The following CD8B variants were observed in gnomAD, a reference collection of about 807,000 sequenced individuals.
CD8B encodes the protein T-cell surface glycoprotein CD8 beta chain.
A neutral mutation model predicts 24.2 loss-of-function variants in CD8B; 6 were observed. The ratio of observed to expected loss-of-function variants is 0.25; its 90% CI spans 0.14 to 0.49. The LOEUF (loss-of-function observed/expected upper bound fraction) is 0.49. Ranked by LOEUF, CD8B falls within the 20% of genes least tolerant of loss-of-function variation. CD8B has a pLI of 0.98. For missense variants in CD8B, 196 were observed against 271.3 expected, an observed-to-expected ratio of 0.72 and a Z score of 1.95; for synonymous variants, 84 against 108.3, an observed-to-expected ratio of 0.78 and a Z score of 1.39.
At chr2:86,842,470 A>G (rs1675482477) in intron 5 of CD8B, 151 bp from the exon 6 acceptor site, 1 of 895,168 alleles carries the variant, frequency 1.1e-6, no homozygotes, top group African/African-American at 1.7e-5. Context: ...TCTAGGGCCC[A>G]TCTTAGTCAT....
At position 86,838,960 on chromosome 2, in the gene CD8B, AAC is replaced by A. The variant is rs1675296272; in HGVS notation, c.*3345_*3346del. On this transcript the variant is annotated 3_prime_UTR_variant, in exon 6 of 6. Transcript: ENST00000390655. ...ACAGCTTGATGACTTTTACTAATGA[AAC>A]ACACTCATATAAGTGATTCCCAGAT... is the stretch of plus-strand genomic sequence containing the variant. Among the ~76,000 whole-genome samples, 1 of 152,240 alleles carries A rather than the reference AAC, an allele frequency of 6.6e-6. No homozygotes were observed. Among genetic ancestry groups the A allele is most frequent in the African/African-American group, 2.4e-5 (1 of 41,458 alleles).
intron 1 of CD8B, 44 bp downstream of exon 1, chr2:86,861,779 C>T: frequency 8.0e-7 from 1 of 1,248,174 alleles, no homozygotes; most frequent in Non-Finnish European, 1.0e-6. Flanking sequence ...CGCTCAGGCC[C>T]CGGGAGCGCA....
intron 1 of CD8B, among the ~76,000 whole-genome samples, chr2:86,861,367 A>T (rs911840653): frequency 6.6e-6 from 1 of 151,862 alleles, no homozygotes; most frequent in Admixed American, 6.6e-5. Flanking sequence ...GAGAACTGAG[A>T]ACGCCCGATG....
intron 5 of CD8B, among the ~76,000 whole-genome samples, chr2:86,843,191 C>T (rs1473040495): frequency 3.3e-5 from 5 of 152,118 alleles, no homozygotes; most frequent in Non-Finnish European, 7.3e-5. Context: ...CTCCGGGGTT[C>T]AAGTGATTCT....
chr2:86,825,899 A>G (rs1380855726), intron 5 of CD8B, among the ~76,000 whole-genome samples: 1 of 151,826 alleles, frequency 6.6e-6, no homozygotes, highest in Non-Finnish European at 1.5e-5. Flanking sequence ...AGCTGCCCCA[A>G]AGAGCACCAG....
At chr2:86,855,113 T>C (rs1261949145) in intron 2 of CD8B, among the ~76,000 whole-genome samples, 1 of 148,140 alleles carries the variant, frequency 6.8e-6, no homozygotes, top group East Asian at 2.0e-4. Flanking sequence ...AGTGACTCCG[T>C]CTCAAAAAAA....
chr2:86,818,341 TA>T (rs766858859), intron 5 of CD8B, among the ~76,000 whole-genome samples: 2 of 152,358 alleles, frequency 1.3e-5, no homozygotes, highest in African/African-American at 2.4e-5. Context: ...TATTGCACTT[TA>T]TTTTTTTATT....
At chr2:86,846,411 G>A (rs1433664031) in intron 4 of CD8B, among the ~76,000 whole-genome samples, 1 of 152,072 alleles carries the variant, frequency 6.6e-6, no homozygotes, top group African/African-American at 2.4e-5. Context: ...ACCCCCATCT[G>A]AGGCAGCCGA....
intron 5 of CD8B, among the ~76,000 whole-genome samples, chr2:86,822,725 C>T (rs2104498352): frequency 6.6e-6 from 1 of 152,262 alleles, no homozygotes; most frequent in East Asian, 1.9e-4. Flanking sequence ...AAATGGAAAG[C>T]TTAAAAATAA....
chr2:86,822,330 C>T, intron 5 of CD8B: 3 of 1,579,418 alleles, frequency 1.9e-6, no homozygotes, highest in Non-Finnish European at 2.6e-6. Context: ...CCTGTATATT[C>T]AGTAGTCCAT....
chr2:86,851,566 T>A (rs1675976628), intron 3 of CD8B, among the ~76,000 whole-genome samples: 1 of 152,218 alleles, frequency 6.6e-6, no homozygotes, highest in African/African-American at 2.4e-5. Flanking sequence ...TGTGACCTCA[T>A]GTGACGGCAG....
At chr2:86,821,195 C>G (rs978164850) in intron 5 of CD8B, among the ~76,000 whole-genome samples, 2 of 150,656 alleles carry the variant, frequency 1.3e-5, no homozygotes, top group South Asian at 4.2e-4. Context: ...TTAGGTTACA[C>G]TGGCATTCTC....
At chr2:86,859,544 A>G (rs942718073) in intron 1 of CD8B, among the ~76,000 whole-genome samples, 1 of 152,234 alleles carries the variant, frequency 6.6e-6, no homozygotes, top group African/African-American at 2.4e-5. Flanking sequence ...CTGTATGGCC[A>G]TGTACACAGG....
chr2:86,841,913 A>T lies in CD8B; in HGVS notation c.*394T>A. The T allele has an allele frequency of 1.0e-6, 1 of 996,136 alleles. No homozygotes were observed. Among genetic ancestry groups the T allele is most frequent in the Non-Finnish European group, 1.2e-6 (1 of 837,274 alleles). The allele number at this position is 996,136 out of a possible 1,614,324, so 61.7% of individuals were successfully genotyped here. A position where few individuals can be genotyped will look rare whatever the true frequency, so the allele number is the denominator to read the frequency against. ...GAGGGAGCCAGCCCAGCATCACCCC[A>T]TGAAAGACCCAGGACCCAATGTTAC... On this transcript the variant is annotated 3_prime_UTR_variant, in exon 6 of 6. Coordinates refer to ENST00000390655, the MANE Select transcript of CD8B (RefSeq NM_004931.5).
At chr2:86,834,840 G>A (rs1054960463), downstream of CD8B, among the ~76,000 whole-genome samples, 2 of 151,098 alleles carry the variant, frequency 1.3e-5, no homozygotes, top group Non-Finnish European at 2.9e-5. Context: ...GGAGGCTGAG[G>A]CAGGAGAATC....
At chr2:86,833,259 A>G (rs1573499452), downstream of CD8B, among the ~76,000 whole-genome samples, 1 of 132,204 alleles carries the variant, frequency 7.6e-6, no homozygotes, top group South Asian at 2.5e-4. Flanking sequence ...CAGTGGTGTG[A>G]TCTTGGCTCA....
chr2:86,846,225 TGGAGA>T (rs1558758251), intron 4 of CD8B, among the ~76,000 whole-genome samples: 3 of 152,162 alleles, frequency 2.0e-5, no homozygotes, highest in Non-Finnish European at 4.4e-5. Flanking sequence ...ATCGGTGTCG[TGGAGA>T]GGATTTCTAG....
chr2:86,820,219 G>A (rs1197976451), intron 5 of CD8B, among the ~76,000 whole-genome samples: 1 of 152,222 alleles, frequency 6.6e-6, no homozygotes, highest in Non-Finnish European at 1.5e-5. Flanking sequence ...TTGAGAAAGA[G>A]GCGTCAGTAT....
intron 5 of CD8B, chr2:86,815,866 C>A: frequency 1.6e-6 from 1 of 639,022 alleles, no homozygotes; most frequent in South Asian, 1.8e-5. Flanking sequence ...GCATATAGCA[C>A]TTGATAGGCC....
Sources: allele counts gnomAD v4.1 joint callset (sites outside exome capture counted in the v4.1 genomes callset), GRCh38; gene constraint gnomAD v4.1.1; transcripts MANE v1.5; gene names NCBI Gene and HGNC (gene_info 2026-07-23, HGNC 2026-07-21).